The following ZNF397 variants were observed in gnomAD, a reference collection of about 807,000 sequenced individuals.
The protein encoded by ZNF397 is zinc finger protein 397.
ZNF397 carries 38 observed loss-of-function variants against 50.6 expected under a neutral mutation model. The ratio of observed to expected loss-of-function variants is 0.75; its 90% CI spans 0.58 to 0.98. The LOEUF is 0.98. Ranked by LOEUF, ZNF397 falls within the 50% of genes least tolerant of loss-of-function variation. ZNF397 has a pLI of 0.00. For missense variants in ZNF397, 624 were observed against 624.1 expected (o/e 1.00, Z 0.00); for synonymous variants, 228 against 215.2 (o/e 1.06, Z -0.52).
chr18:35,246,507 T>A lies in ZNF397; in HGVS notation c.*197T>A. On this transcript the variant is annotated 3_prime_UTR_variant, in exon 4 of 4. Coordinates refer to ENST00000330501, the MANE Select transcript of ZNF397 (RefSeq NM_001135178.3). The stretch of plus-strand genomic sequence containing the variant: ...TTTCCTGTGACTAATCAGAACAGAA[T>A]ACAGAAGAATCATTACTTCCAGCTC... The A allele has an allele frequency of 7.5e-7, 1 of 1,341,058 alleles. No homozygotes were observed. The highest frequency in any genetic ancestry group is 2.1e-5 in the South Asian group (1 of 46,824). The allele number at this position is 1,341,058 out of a possible 1,614,324, so 83.1% of individuals were successfully genotyped here. A position where few individuals can be genotyped will look rare whatever the true frequency, so the allele number is the denominator to read the frequency against.
chr18:35,243,069 A>G (rs1569042198), intron 2 of ZNF397, 83 bp from the exon 3 acceptor site: 4 of 1,589,122 alleles, frequency 2.5e-6, no homozygotes, highest in Non-Finnish European at 3.4e-6. Flanking sequence ...TGGAGATGTC[A>G]TCATTGACCT....
chr18:35,246,158 G>A lies in ZNF397; in HGVS notation c.1453G>A (p.Glu485Lys), dbSNP rs2043477789. ...HSGEEPYQCN[E>K]CGKTFKRSSA... ...TGGGGAGGAACCTTATCAGTGTAAT[G>A]AATGTGGCAAAACTTTCAAAAGGAG... Residue 485 changes from glutamate (E) to lysine (K), a missense_variant, in exon 4 of 4, where the codon GAA becomes AAA. Physicochemically the swap from Glu to Lys is moderately conservative, Grantham distance 56 (BLOSUM62 1). Coordinates refer to ENST00000330501, the MANE Select transcript of ZNF397 (RefSeq NM_001135178.3). 2 of 1,551,154 alleles carry A rather than the reference G, an allele frequency of 1.3e-6. No homozygotes were observed. Among genetic ancestry groups the A allele is most frequent in the Non-Finnish European group, 1.7e-6 (2 of 1,146,552 alleles).
chr18:35,257,504 G>A (rs1027546984), intron 5 of ZNF397: 6 of 202,528 alleles, frequency 3.0e-5, no homozygotes, highest in East Asian at 1.4e-4. Flanking sequence ...CTTCCACCAC[G>A]TGAGGACACA....
chr18:35,244,935 G>A (rs1311570288), intron 3 of ZNF397, among the ~76,000 whole-genome samples: 1 of 152,110 alleles, frequency 6.6e-6, no homozygotes, highest in Non-Finnish European at 1.5e-5. Context: ...AGGCAAGAAG[G>A]TTGATTTTAA....
Position 35,246,180 on chromosome 18 carries a change from G to A in ZNF397, c.1475G>A (p.Arg492Lys). The A allele has an allele frequency of 6.4e-7, 1 of 1,551,648 alleles. No homozygotes were observed. The highest frequency in any genetic ancestry group is 8.7e-7 in the Non-Finnish European group (1 of 1,146,960). Residue 492 changes from arginine (R) to lysine (K), a missense_variant, in exon 4 of 4, where the codon AGG (arginine) becomes AAG (lysine). Physicochemically the swap from Arg to Lys is conservative, Grantham distance 26 (BLOSUM62 2). Transcript: ENST00000330501. ...AATGAATGTGGCAAAACTTTCAAAA[G>A]GAGCTCAGCCCTTGTTCAGCATCAG... ...QCNECGKTFK[R>K]SSALVQHQRI... is the part of the protein sequence containing the mutation.
At chr18:35,251,455 CAAAG>C (rs1000014415), downstream of ZNF397, 1 of 152,226 alleles carries the variant, frequency 6.6e-6, no homozygotes, top group Non-Finnish European at 1.5e-5. Flanking sequence ...CCTCTGGACA[CAAAG>C]AGGCCGAATT....
chr18:35,246,633 T>C lies in ZNF397; in HGVS notation c.*323T>C. On this transcript the variant is annotated 3_prime_UTR_variant, in exon 4 of 4. Transcript: ENST00000330501. Reference sequence around the variant, plus strand: ...CATGAATATAGCAACCCAGGCTCTGTCACTGCATCTGATTGTTAGTGTGCC... The same window carrying C: ...CATGAATATAGCAACCCAGGCTCTGCCACTGCATCTGATTGTTAGTGTGCC... 11 of 1,065,542 alleles carry C rather than the reference T, an allele frequency of 1.0e-5. No individual in the cohort carries two copies. The highest frequency in any genetic ancestry group is 4.9e-5 in the Admixed American group (1 of 20,600). The allele number at this position is 1,065,542 out of a possible 1,614,324, so 66.0% of individuals were successfully genotyped here.
At chr18:35,241,254 A>G (rs1235780391) in intron 1 of ZNF397, 145 bp downstream of exon 1, 1 of 152,252 alleles carries the variant, frequency 6.6e-6, no homozygotes, top group Non-Finnish European at 1.5e-5. Flanking sequence ...GGGAACTCAG[A>G]GGAGGCCAGC....
rs886667951 is a variant in ZNF397, at chr18:35,248,290, A to G, written c.*1980A>G. On this transcript the variant is annotated 3_prime_UTR_variant, in exon 4 of 4. Coordinates refer to ENST00000330501, the MANE Select transcript of ZNF397 (RefSeq NM_001135178.3). ...TAATGCTCTTATTGGGGCGTGCATC[A>G]GTGGACATGTGCTAACCAGTAAGAA... 6 of 152,232 alleles carry G rather than the reference A, an allele frequency of 3.9e-5. No homozygotes were observed. The highest frequency in any genetic ancestry group is 7.3e-5 in the Non-Finnish European group (5 of 68,048). 9.4% of individuals were successfully genotyped at this position (152,232 alleles called of 1,614,324 possible). A position where few individuals can be genotyped will look rare whatever the true frequency, so the allele number is the denominator to read the frequency against.
chr18:35,252,466 G>A (rs1423874102), downstream of ZNF397: 1 of 152,128 alleles, frequency 6.6e-6, no homozygotes, highest in Non-Finnish European at 1.5e-5. Context: ...TATTATACTT[G>A]AGGGCAATAA....
At chr18:35,243,108 T>A in intron 2 of ZNF397, 44 bp from the exon 3 acceptor site, 1 of 1,611,094 alleles carries the variant, frequency 6.2e-7, no homozygotes, top group Middle Eastern at 1.7e-4. Context: ...GCAAGTTTTC[T>A]TAGGGATTTT....
Position 35,245,723 on chromosome 18 carries a change from G to A in ZNF397, c.1018G>A (p.Ala340Thr), listed in dbSNP as rs777305119. Reference sequence around the variant, plus strand: ...TCAGAGAATTCATAGTGGTGAGAAAGCATATGAATGTAGTGAATGTGGGAA... The same window carrying A: ...TCAGAGAATTCATAGTGGTGAGAAAACATATGAATGTAGTGAATGTGGGAA... Reference protein sequence around the residue: ...IHQRIHSGEKAYECSECGKAF... With the variant: ...IHQRIHSGEKTYECSECGKAF... The change falls in exon 4 of 4, where the codon GCA (alanine) becomes ACA (threonine). Residue 340 changes from alanine to threonine, a missense_variant. Ala to Thr is a moderately conservative substitution (Grantham distance 58). Transcript: ENST00000330501. The A allele has an allele frequency of 5.8e-6, 9 of 1,552,006 alleles. No homozygotes were observed. Among genetic ancestry groups the A allele is most frequent in the Non-Finnish European group, 7.8e-6 (9 of 1,147,198 alleles).
At chr18:35,257,944 A>G in exon 6 of ZNF397, 1 of 781,072 alleles carries the variant, frequency 1.3e-6, no homozygotes, top group Non-Finnish European at 2.4e-6. Context: ...CCTGAAGAAC[A>G]CATCGTCAAT....
chr18:35,242,024 T>C (rs1234224594), intron 1 of ZNF397, among the ~76,000 whole-genome samples: 2 of 152,244 alleles, frequency 1.3e-5, no homozygotes, highest in African/African-American at 4.8e-5. Context: ...CTGTATTTTA[T>C]TTAAAAGAGA....
chr18:35,253,114 C>A, downstream of ZNF397: 1 of 195,504 alleles, frequency 5.1e-6, no homozygotes. Context: ...ATCTCTGCCC[C>A]AATCCTGGCA....
chr18:35,250,449 T>C (rs902837032), downstream of ZNF397, among the ~76,000 whole-genome samples: 7 of 152,230 alleles, frequency 4.6e-5, no homozygotes, highest in Admixed American at 3.3e-4. Context: ...TCTCTTGGTA[T>C]AGAAGCAGTC....
In ZNF397 at chr18:35,243,284, C is replaced by T. The variant is rs1912659193; in HGVS notation, c.547C>T (p.Pro183Ser). The T allele has an allele frequency of 6.2e-7, 1 of 1,614,080 alleles. No individual in the cohort carries two copies. The highest frequency in any genetic ancestry group is 1.7e-5 in the Admixed American group (1 of 59,998). The stretch of plus-strand genomic sequence containing the variant: ...GAAATCCTGGAAACCATGCCTTTCC[C>T]CTAAAAGTGGTGAGGAATGGGAAAT... ...QLKSWKPCLS[P>S]KSDCENSETA... Residue 183 changes from proline (P) to serine (S), a missense_variant, in exon 3 of 4, where the codon CCT becomes TCT. By Grantham distance (74) the Pro-to-Ser change is moderately conservative. Transcript: ENST00000330501.
rs1431434309 is a variant in ZNF397 at position 35,243,371 on chromosome 18, A to G, written c.556+78A>G. ...GAGAATGCAGAATTAATTGCACTTG[A>G]CAAACTTGCCACATGTGAGCATCAC... is the stretch of plus-strand genomic sequence containing the variant. On this transcript the variant is annotated intron_variant, in intron 3 of 3. Transcript: ENST00000330501. 2.5e-6 allele frequency: 4 copies of G among 1,605,104 alleles called. No individual in the cohort carries two copies. In the Admixed American group the frequency reaches 6.7e-5, roughly 27 times the overall value.
downstream of ZNF397, chr18:35,253,768 T>C: frequency 6.2e-7 from 1 of 1,614,068 alleles, no homozygotes; most frequent in Non-Finnish European, 8.5e-7. Context: ...CCTTCCCACA[T>C]TCTCCACATT....
Sources: allele counts gnomAD v4.1 joint callset (sites outside exome capture counted in the v4.1 genomes callset), GRCh38; gene constraint gnomAD v4.1.1; transcripts MANE v1.5; gene names NCBI Gene and HGNC (gene_info 2026-07-23, HGNC 2026-07-21).